THBS1: variants seen among roughly 807,000 people sequenced by gnomAD.
The protein encoded by THBS1 is thrombospondin-1.
THBS1 carries 29 observed loss-of-function variants against 126.1 expected under a neutral mutation model. That is an observed-to-expected ratio of 0.23 (90% CI 0.17 to 0.31). The LOEUF is 0.31. Ranked by LOEUF, THBS1 falls within the 10% of genes least tolerant of loss-of-function variation. THBS1 has a pLI of 1.00. For synonymous variants in THBS1, 496 were observed against 577.8 expected (o/e 0.86, Z 2.03); for missense variants, 1,198 against 1,545.2 (o/e 0.78, Z 3.77).
Position 39,596,817 on chromosome 15 carries a change from T to C in THBS1, c.*1448T>C, listed in dbSNP as rs1001794804. ...CATATTTCCAGGGAGAAGGAAAGCA[T>C]ATACACTTTTTTCTTTCATTTTTCC... On this transcript the variant is annotated 3_prime_UTR_variant, in exon 22 of 22. Transcript: ENST00000260356. 6 of 152,230 alleles carry C rather than the reference T, an allele frequency of 3.9e-5. No homozygotes were observed. Among genetic ancestry groups the C allele is most frequent in the African/African-American group, 1.4e-4 (6 of 41,472 alleles). 9.4% of individuals were successfully genotyped at this position (152,230 alleles called of 1,614,324 possible). A position where few individuals can be genotyped will look rare whatever the true frequency, so the allele number is the denominator to read the frequency against.
rs1319369118 is a variant in THBS1 at position 39,588,941 on chromosome 15, T to A, written c.1646-18T>A. 3 of 1,614,162 alleles carry A rather than the reference T, an allele frequency of 1.9e-6. No homozygotes were observed. The highest frequency in any genetic ancestry group is 2.5e-6 in the Non-Finnish European group (3 of 1,180,038). ...AGACCAACCATTTACTGTGACTGTC[T>A]CTCTCTCCTTGTCTCAGATGGATGC... is the stretch of plus-strand genomic sequence containing the variant. On this transcript the variant is annotated intron_variant, in intron 10 of 21. Coordinates refer to ENST00000260356, the MANE Select transcript of THBS1 (RefSeq NM_003246.4).
Position 39,589,040 on chromosome 15 carries a change from C to A in THBS1, c.1727C>A (p.Pro576His), listed in dbSNP as rs753513698. ...GGCAGCTGGAAATGTGGTGCTTGTC[C>A]CCCTGGTTACAGTGGAAATGGCATC... ...PDGSWKCGAC[P>H]PGYSGNGIQC... is the part of the protein sequence containing the mutation. Residue 576 changes from proline to histidine, a missense_variant, in exon 11 of 22, where the codon CCC becomes CAC. Transcript: ENST00000260356. The surrounding 1 kb of genome is among the most constrained non-coding windows in gnomAD (Gnocchi z 4.7). 1 of 1,614,118 alleles carries A rather than the reference C, an allele frequency of 6.2e-7. No individual in the cohort carries two copies. The highest frequency in any genetic ancestry group is 1.1e-5 in the South Asian group (1 of 91,076).
At position 39,589,049 on chromosome 15, in the gene THBS1, A is replaced by G; in HGVS notation, c.1736A>G (p.Tyr579Cys). 6.2e-7 allele frequency: 1 copy of G among 1,614,186 alleles called. No homozygotes were observed. The highest frequency in any genetic ancestry group is 8.5e-7 in the Non-Finnish European group (1 of 1,180,034). The change falls in exon 11 of 22, where the codon TAC becomes TGC. Residue 579 changes from tyrosine (Y) to cysteine (C), a missense_variant. Physicochemically the swap from Tyr to Cys is radical, Grantham distance 194. Around this residue, in one of 4 missense-constraint regions of THBS1, gnomAD observed 663 missense variants for 860.1 expected, o/e 0.77. Transcript: ENST00000260356. This position sits in a 1 kb window ranked among gnomAD's most constrained non-coding sequence, Gnocchi z 4.7. ...AAATGTGGTGCTTGTCCCCCTGGTT[A>G]CAGTGGAAATGGCATCCAGTGCACA... ...SWKCGACPPG[Y>C]SGNGIQCTDV...
intron 9 of THBS1, 34 bp from the exon 10 acceptor site, chr15:39,588,492 T>C: frequency 6.6e-7 from 1 of 1,523,478 alleles, no homozygotes; most frequent in Non-Finnish European, 8.8e-7. Context: ...TGAAAGTTGA[T>C]CTTAATTGTT....
chr15:39,593,551 C>T lies in THBS1; in HGVS notation c.3150C>T (p.Thr1050=). Residue 1050 remains threonine, a synonymous_variant, in exon 19 of 22, where the codon ACC becomes ACT. Coordinates refer to ENST00000260356, the MANE Select transcript of THBS1 (RefSeq NM_003246.4). The surrounding 1 kb of genome is among the most constrained non-coding windows in gnomAD (Gnocchi z 5.9). ...AAGTCACCCAGTCCTACTGGGACACCAACCCCACGAGGGCTCAGGGATACT... is the reference window on the plus strand; with the variant it reads ...AAGTCACCCAGTCCTACTGGGACACTAACCCCACGAGGGCTCAGGGATACT... ...WKQVTQSYWD[T]NPTRAQGYSG... is the part of the protein sequence containing the mutation. The T allele has an allele frequency of 6.2e-7, 1 of 1,614,208 alleles. No individual in the cohort carries two copies. The highest frequency in any genetic ancestry group is 1.3e-5 in the African/African-American group (1 of 75,038).
rs139623822 is a variant in THBS1, at chr15:39,587,378, A to T, written c.1152A>T (p.Pro384=). ...PSDSADDGWS[P]WSEWTSCSTS... The stretch of plus-strand genomic sequence containing the variant: ...ACTCTGCGGACGATGGCTGGTCTCC[A>T]TGGTCCGAGTGGACCTCCTGTTCTA... The change falls in exon 8 of 22, where the codon CCA becomes CCT. Residue 384 remains proline, a synonymous_variant. Transcript: ENST00000260356. 9 of 1,613,766 alleles carry T rather than the reference A, an allele frequency of 5.6e-6. No individual in the cohort carries two copies. The highest frequency in any genetic ancestry group is 7.6e-6 in the Non-Finnish European group (9 of 1,179,884).
rs1890243207 is a variant in THBS1 at position 39,588,104 on chromosome 15, G to A, written c.1357G>A (p.Asp453Asn). The change falls in exon 9 of 22, where the codon GAT (aspartate) becomes AAT (asparagine). Residue 453 changes from aspartate (D) to asparagine (N), a missense_variant. Asp to Asn is a conservative substitution (Grantham distance 23, BLOSUM62 1). Transcript: ENST00000260356. ...PWSSCSVTCGDGVITRIRLCN... is the reference protein window; with the variant it reads ...PWSSCSVTCGNGVITRIRLCN... ...GTCATCTTGTTCTGTGACATGTGGT[G>A]ATGGTGTGATCACAAGGATCCGGCT... 3 of 1,614,272 alleles carry A rather than the reference G, an allele frequency of 1.9e-6. No homozygotes were observed. The highest frequency in any genetic ancestry group is 2.5e-6 in the Non-Finnish European group (3 of 1,180,044).
chr15:39,584,860 T>A (rs1230871905), intron 6 of THBS1, among the ~76,000 whole-genome samples: 1 of 152,222 alleles, frequency 6.6e-6, no homozygotes, highest in East Asian at 1.9e-4. Context: ...TCTGCTTTGC[T>A]CAGATGGCAC....
chr15:39,598,043 T>C lies in THBS1; in HGVS notation c.*2674T>C, dbSNP rs1317209502. On this transcript the variant is annotated 3_prime_UTR_variant, in exon 22 of 22. Coordinates refer to ENST00000260356, the MANE Select transcript of THBS1 (RefSeq NM_003246.4). Reference sequence around the variant, plus strand: ...TAAAAAATGTAAAATTTGGAAGGAATCCATAAATGCGTGTGTGTCTAAATA... The same window carrying C: ...TAAAAAATGTAAAATTTGGAAGGAACCCATAAATGCGTGTGTGTCTAAATA... The C allele has an allele frequency of 6.6e-6, 1 of 152,200 alleles. No homozygotes were observed. The highest frequency in any genetic ancestry group is 2.4e-5 in the African/African-American group (1 of 41,454). 9.4% of individuals were successfully genotyped at this position (152,200 alleles called of 1,614,324 possible). A position where few individuals can be genotyped will look rare whatever the true frequency, so the allele number is the denominator to read the frequency against.
rs941491168 is a variant in THBS1 at position 39,585,393 on chromosome 15, G to A, written c.1027-77G>A. The A allele has an allele frequency of 1.5e-5, 21 of 1,363,466 alleles. No individual in the cohort carries two copies. The Admixed American group carries it at 2.6e-4, about 17-fold the overall frequency. The allele number at this position is 1,363,466 out of a possible 1,614,324, so 84.5% of individuals were successfully genotyped here. A position where few individuals can be genotyped will look rare whatever the true frequency, so the allele number is the denominator to read the frequency against. On this transcript the variant is annotated intron_variant, in intron 6 of 21. Transcript: ENST00000260356. ...CCCTGACCATGTTTTGGCTTGTAAAGGAAATGTTACAGGATGTAGACTTCT... is the reference window on the plus strand; with the variant it reads ...CCCTGACCATGTTTTGGCTTGTAAAAGAAATGTTACAGGATGTAGACTTCT...
In THBS1 at chr15:39,581,718, G is replaced by A. The variant is rs997283584; in HGVS notation, c.-29-111G>A. On this transcript the variant is annotated intron_variant, in intron 1 of 21. Transcript: ENST00000260356. ...TGTCCTTCATTTCAGCAAACGCGGG[G>A]TCAAAGAGGGATGGTCCCGGCCCTG... 5.0e-6 allele frequency: 3 copies of A among 598,654 alleles called. No individual in the cohort carries two copies. The African/African-American group carries it at 5.7e-5, about 11-fold the overall frequency. The allele number at this position is 598,654 out of a possible 1,614,324, so 37.1% of individuals were successfully genotyped here.
intron 13 of THBS1, 56 bp downstream of exon 13, chr15:39,590,079 C>T (rs1210251293): frequency 2.1e-6 from 3 of 1,411,692 alleles, no homozygotes; most frequent in African/African-American, 2.9e-5. Context: ...CTTATCAAAA[C>T]ACAGGCTAAG....
In THBS1 at chr15:39,589,819, T is replaced by C. The variant is rs1210907999; in HGVS notation, c.1941T>C (p.Arg647=). 6.2e-7 allele frequency: 1 copy of C among 1,611,698 alleles called. No individual in the cohort carries two copies. Among genetic ancestry groups the C allele is most frequent in the East Asian group, 2.2e-5 (1 of 44,838 alleles). ...ATANKQVCKP[R]NPCTDGTHDC... ...TGTACCCTCAGGTGTGCAAGCCCCG[T>C]AACCCCTGCACGGATGGGACCCACG... Residue 647 remains arginine, a synonymous_variant, in exon 13 of 22, where the codon CGT becomes CGC. Coordinates refer to ENST00000260356, the MANE Select transcript of THBS1 (RefSeq NM_003246.4). The surrounding 1 kb of genome is among the most constrained non-coding windows in gnomAD (Gnocchi z 4.7).
At position 39,588,469 on chromosome 15, in the gene THBS1, CAAGG is replaced by C. The variant is rs1235854920; in HGVS notation, c.1472-56_1472-53del. ...TGAACGGGCTTAGGAGAGTCTATGA[CAAGG>C]GAGGGATTTGAAAGTTGATCTTAAT... is the stretch of plus-strand genomic sequence containing the variant. On this transcript the variant is annotated intron_variant, in intron 9 of 21. Coordinates refer to ENST00000260356, the MANE Select transcript of THBS1 (RefSeq NM_003246.4). The C allele has an allele frequency of 2.0e-6, 3 of 1,514,006 alleles. No individual in the cohort carries two copies. In the African/African-American group the frequency reaches 4.2e-5, roughly 21 times the overall value. The allele number at this position is 1,514,006 out of a possible 1,614,324, so 93.8% of individuals were successfully genotyped here. A position where few individuals can be genotyped will look rare whatever the true frequency, so the allele number is the denominator to read the frequency against.
rs1379639990 is a variant in THBS1 at position 39,598,088 on chromosome 15, A to G, written c.*2719A>G. 6.6e-6 allele frequency: 1 copy of G among 152,254 alleles called. No individual in the cohort carries two copies. Among genetic ancestry groups the G allele is most frequent in the Non-Finnish European group, 1.5e-5 (1 of 68,040 alleles). The allele number at this position is 152,254 out of a possible 1,614,324, so 9.4% of individuals were successfully genotyped here. A position where few individuals can be genotyped will look rare whatever the true frequency, so the allele number is the denominator to read the frequency against. On this transcript the variant is annotated 3_prime_UTR_variant, in exon 22 of 22. Transcript: ENST00000260356. ...TAAATACAAATTATCATGTGAAGAAAAGGCCCAAGTGTACCAATAAGCAGA... is the reference window on the plus strand; with the variant it reads ...TAAATACAAATTATCATGTGAAGAAGAGGCCCAAGTGTACCAATAAGCAGA...
chr15:39,581,481 C>A (rs2140341734), intron 1 of THBS1, among the ~76,000 whole-genome samples: 1 of 151,338 alleles, frequency 6.6e-6, no homozygotes, highest in East Asian at 1.9e-4. Flanking sequence ...CTCCTTAAGC[C>A]TTTGTATCAG....
chr15:39,586,365 C>T (rs1306773501), intron 7 of THBS1, among the ~76,000 whole-genome samples: 1 of 152,118 alleles, frequency 6.6e-6, no homozygotes, highest in Admixed American at 6.5e-5. Context: ...TTAACATGTG[C>T]GTTAAAAGGA....
In THBS1 at chr15:39,581,806, G is replaced by C. The variant is rs968697549; in HGVS notation, c.-29-23G>C. ...CCTGCCTAGCTGATCTCTGACCCTC[G>C]GCTCTTGTGCTTCCTGCTACAGGAT... On this transcript the variant is annotated intron_variant, in intron 1 of 21. Coordinates refer to ENST00000260356, the MANE Select transcript of THBS1 (RefSeq NM_003246.4). 7.2e-6 allele frequency: 11 copies of C among 1,536,836 alleles called. No homozygotes were observed. In the African/African-American group the frequency reaches 8.2e-5, roughly 11 times the overall value.
intron 9 of THBS1, 141 bp downstream of exon 9, chr15:39,588,359 C>A (rs1018800410): frequency 1.6e-6 from 2 of 1,285,742 alleles, no homozygotes; most frequent in Admixed American, 2.8e-5. Flanking sequence ...CAAAGTCCTG[C>A]AGGCTCAGCA....
Sources: gnomAD v4.1 joint callset for allele counts (sites outside exome capture counted in the v4.1 genomes callset) on GRCh38, gnomAD v4.1.1 for gene constraint, gnomAD v4.1.1 regional missense constraint, Gnocchi (gnomAD v3.1) non-coding constraint, MANE v1.5 for transcripts, NCBI Gene and HGNC (gene_info 2026-07-23, HGNC 2026-07-21) for gene names.